Variants in DOCK3 observed in about 807,000 individuals in gnomAD.
DOCK3 encodes the protein dedicator of cytokinesis 3.
In DOCK3, 60 loss-of-function variants were observed where a neutral mutation model predicts 265.6. The ratio of observed to expected loss-of-function variants is 0.23; its 90% CI spans 0.18 to 0.28. The LOEUF (loss-of-function observed/expected upper bound fraction) is 0.28, where lower values mean the gene tolerates loss of function less well. Among genes scored for constraint, DOCK3 ranks in the 10% least tolerant of loss-of-function variants. The probability of loss-of-function intolerance (pLI) is 1.00; values close to 1 mark genes in which losing one functional copy is unlikely to be tolerated. For synonymous variants in DOCK3, 881 were observed against 938.0 expected, an observed-to-expected ratio of 0.94 and a Z score of 1.11; for missense variants, 1,981 against 2,594.3, an observed-to-expected ratio of 0.76 and a Z score of 5.14.
rs893834065 is a variant in DOCK3, at chr3:51,350,231, A to G, written c.4003-57A>G. Reference sequence around the variant, plus strand: ...ACAGTGTCCAGTTGGGCCTGGGAGAACTTCCTTTGGATACCAACAGCAGTC... The same window carrying G: ...ACAGTGTCCAGTTGGGCCTGGGAGAGCTTCCTTTGGATACCAACAGCAGTC... On this transcript the variant is annotated intron_variant, in intron 39 of 52. Transcript: ENST00000266037. 8 of 1,504,702 alleles carry G rather than the reference A, an allele frequency of 5.3e-6. No homozygotes were observed. The African/African-American group carries it at 9.9e-5, about 19-fold the overall frequency. 93.2% of individuals were successfully genotyped at this position (1,504,702 alleles called of 1,614,324 possible). A position where few individuals can be genotyped will look rare whatever the true frequency, so the allele number is the denominator to read the frequency against.
intron 4 of DOCK3, among the ~76,000 whole-genome samples, chr3:50,895,938 G>T (rs2048873193): frequency 6.6e-6 from 1 of 152,028 alleles, no homozygotes; most frequent in Admixed American, 6.6e-5. Context: ...TGGGTTGGTT[G>T]GTTCCAAGTT....
intron 32 of DOCK3, among the ~76,000 whole-genome samples, chr3:51,320,961 A>G (rs1300101377): frequency 6.6e-6 from 1 of 152,204 alleles, no homozygotes; most frequent in Non-Finnish European, 1.5e-5. Context: ...CTCCCACCAC[A>G]GTGTTTGAGC....
Position 51,246,768 on chromosome 3 carries a change from A to G in DOCK3, c.2145A>G (p.Ala715=). ...TGAAGTGGTATATGGACTGCTCAGC[A>G]GAACTGATTCGACAGGACCACATTC... ...RCLKWYMDCS[A]ELIRQDHIQE... is the part of the protein sequence containing the mutation. The change falls in exon 22 of 53, where the codon GCA becomes GCG. Residue 715 remains alanine (A), a synonymous_variant. Transcript: ENST00000266037. The G allele has an allele frequency of 6.2e-7, 1 of 1,613,662 alleles. No homozygotes were observed. The highest frequency in any genetic ancestry group is 8.5e-7 in the Non-Finnish European group (1 of 1,179,758).
At chr3:51,201,425 G>A (rs569442964) in intron 12 of DOCK3, among the ~76,000 whole-genome samples, 4 of 152,196 alleles carry the variant, frequency 2.6e-5, no homozygotes, top group Admixed American at 2.0e-4. Flanking sequence ...AAAGAGACAA[G>A]GCCATTACAA....
intron 5 of DOCK3, among the ~76,000 whole-genome samples, chr3:51,046,128 A>T (rs1336991170): frequency 6.6e-6 from 1 of 152,214 alleles, no homozygotes; most frequent in Non-Finnish European, 1.5e-5. Flanking sequence ...GAATGAAATT[A>T]TATCACTACA....
intron 10 of DOCK3, among the ~76,000 whole-genome samples, chr3:51,147,567 AC>A (rs1179008109): frequency 6.6e-6 from 1 of 152,096 alleles, no homozygotes; most frequent in Non-Finnish European, 1.5e-5. Context: ...TTCAAGTCCC[AC>A]CTATCAGTGA....
intron 5 of DOCK3, among the ~76,000 whole-genome samples, chr3:51,003,204 T>C (rs767682096): frequency 6.6e-6 from 1 of 152,206 alleles, no homozygotes. Flanking sequence ...AAACCTCAAA[T>C]AGATCTCAGT....
chr3:51,214,085 G>T, intron 13 of DOCK3, 37 bp from the exon 14 acceptor site: 1 of 1,612,580 alleles, frequency 6.2e-7, no homozygotes, highest in South Asian at 1.1e-5. Context: ...TAACAGGGTA[G>T]AACTGTGGTT....
intron 51 of DOCK3, chr3:51,379,495 A>G (rs2088432958): frequency 1.0e-6 from 1 of 985,450 alleles, no homozygotes; most frequent in African/African-American, 1.7e-5. Context: ...GCGGAGCCCA[A>G]GAGGCCCAGC....
intron 12 of DOCK3, among the ~76,000 whole-genome samples, chr3:51,196,038 C>T (rs2088275136): frequency 6.6e-6 from 1 of 151,790 alleles, no homozygotes; most frequent in South Asian, 2.1e-4. Context: ...CAGGCTCAAG[C>T]AATCTTCCTG....
intron 5 of DOCK3, among the ~76,000 whole-genome samples, chr3:50,979,216 A>G (rs1232217603): frequency 6.6e-6 from 1 of 152,116 alleles, no homozygotes; most frequent in Non-Finnish European, 1.5e-5. Context: ...TACTTTAGTC[A>G]GTGTTTTGTA....
At chr3:50,889,070 T>TGG (rs2048504396) in intron 3 of DOCK3, among the ~76,000 whole-genome samples, 2 of 110,652 alleles carry the variant, frequency 1.8e-5, no homozygotes, top group Admixed American at 1.7e-4. Flanking sequence ...GCCATGGGTG[T>TGG]GTGTGTGTGT....
chr3:51,352,591 ATCGATTCCCATC>A (rs1472476657), intron 40 of DOCK3, among the ~76,000 whole-genome samples: 1 of 152,234 alleles, frequency 6.6e-6, no homozygotes, highest in Non-Finnish European at 1.5e-5. Flanking sequence ...TCACCCATCA[ATCGATTCCCATC>A]TCCACACAAG....
At chr3:51,015,471 A>G (rs1446384262) in intron 5 of DOCK3, among the ~76,000 whole-genome samples, 6 of 151,328 alleles carry the variant, frequency 4.0e-5, no homozygotes, top group African/African-American at 9.7e-5. Context: ...AATTCCTGCA[A>G]TAAATCCCAC....
At chr3:50,933,548 C>T (rs894126993) in intron 4 of DOCK3, among the ~76,000 whole-genome samples, 6 of 151,926 alleles carry the variant, frequency 3.9e-5, no homozygotes, top group African/African-American at 1.5e-4. Flanking sequence ...TGGGTTCCTC[C>T]CCTCCACAAC....
chr3:51,182,213 C>T (rs1397107129), intron 12 of DOCK3, among the ~76,000 whole-genome samples: 1 of 152,100 alleles, frequency 6.6e-6, no homozygotes, highest in Non-Finnish European at 1.5e-5. Flanking sequence ...GGTTGTATGA[C>T]CTCGGGCAAG....
intron 32 of DOCK3, among the ~76,000 whole-genome samples, chr3:51,324,320 A>G (rs1255130147): frequency 6.6e-6 from 1 of 152,258 alleles, no homozygotes; most frequent in Non-Finnish European, 1.5e-5. Context: ...TCCCATTCAC[A>G]ATTGCTACAA....
intron 1 of DOCK3, among the ~76,000 whole-genome samples, chr3:50,706,663 T>C (rs535301338): frequency 6.6e-6 from 1 of 152,354 alleles, no homozygotes; most frequent in African/African-American, 2.4e-5. Context: ...TTTTCAGTTA[T>C]TATCTTGTTA....
rs145110924 is a variant in DOCK3, at chr3:50,878,311, T to C, written c.163-11715T>C. On this transcript the variant is annotated intron_variant, in intron 3 of 52. Coordinates refer to ENST00000266037, the MANE Select transcript of DOCK3 (RefSeq NM_004947.5). ...GTTGAGAGAAGAAGGCTTCGGACGA[T>C]TGGTAATAACAAACTTCTCCGAGCT... 2.2e-4 allele frequency among the ~76,000 whole-genome samples: 34 copies of C among 152,216 alleles called. 1 individual carries two copies. The East Asian group carries it at 5.6e-3, about 25-fold the overall frequency.
Sources: gnomAD v4.1 joint callset for allele counts (sites outside exome capture counted in the v4.1 genomes callset) on GRCh38, gnomAD v4.1.1 for gene constraint, MANE v1.5 for transcripts, NCBI Gene and HGNC (gene_info 2026-07-23, HGNC 2026-07-21) for gene names.